APOD: variants seen among roughly 807,000 people sequenced by gnomAD.
APOD encodes apolipoprotein D.
In APOD, 22 loss-of-function variants were observed where a neutral mutation model predicts 20.4. The ratio of observed to expected loss-of-function variants is 1.08; its 90% CI spans 0.77 to 1.54. The LOEUF (loss-of-function observed/expected upper bound fraction) is 1.54, where lower values mean the gene tolerates loss of function less well. APOD is among the 40% of genes most tolerant of loss of function. APOD has a pLI of 0.00. For missense variants in APOD, 223 were observed against 229.6 expected, an observed-to-expected ratio of 0.97 and a Z score of 0.19; for synonymous variants, 97 against 92.4, an observed-to-expected ratio of 1.05 and a Z score of -0.29.
At chr3:195,577,588 C>T (rs1247499078) in intron 2 of APOD, among the ~76,000 whole-genome samples, 1 of 152,184 alleles carries the variant, frequency 6.6e-6, no homozygotes, top group Non-Finnish European at 1.5e-5. Context: ...TTGATTACTA[C>T]AAAGCTATAG....
intron 2 of APOD, 40 bp from the exon 3 acceptor site, chr3:195,574,011 T>C (rs759052176): frequency 3.1e-6 from 5 of 1,606,748 alleles, no homozygotes; most frequent in Middle Eastern, 1.7e-4. Flanking sequence ...TGTGGTTCTC[T>C]GGGGACCTGC....
At chr3:195,573,078 C>T (rs779697892) in intron 3 of APOD, among the ~76,000 whole-genome samples, 6 of 152,172 alleles carry the variant, frequency 3.9e-5, no homozygotes, top group Non-Finnish European at 7.3e-5. Context: ...TATCTGCATA[C>T]GTTAACTTAG....
At position 195,568,989 on chromosome 3, in the gene APOD, C is replaced by A. The variant is rs141964097; in HGVS notation, c.481G>T (p.Asp161Tyr). The change falls in exon 5 of 5, where the codon GAC becomes TAC. Residue 161 changes from aspartate (D) to tyrosine (Y), a missense_variant. Asp to Tyr is a radical substitution (Grantham distance 160, BLOSUM62 -3). Coordinates refer to ENST00000343267, the MANE Select transcript of APOD (RefSeq NM_001647.4). ...RNPNLPPETV[D>Y]SLKNILTSNN... The stretch of plus-strand genomic sequence containing the variant: ...GAAGTCAGGATATTTTTTAGAGAGT[C>A]CACTGTTTCTGGAGGGAGATTAGGG... 8.1e-6 allele frequency: 13 copies of A among 1,614,088 alleles called. No homozygotes were observed. The highest frequency in any genetic ancestry group is 1.3e-5 in the African/African-American group (1 of 75,008).
chr3:195,580,712 G>C (rs1720324193), intron 1 of APOD, among the ~76,000 whole-genome samples: 1 of 152,118 alleles, frequency 6.6e-6, no homozygotes, highest in Admixed American at 6.6e-5. Context: ...GCCTGTTGAG[G>C]GTATTTTTCA....
rs764508080 is a variant in APOD at position 195,571,271 on chromosome 3, A to C, written c.334+6T>G. 1.4e-5 allele frequency: 23 copies of C among 1,613,356 alleles called. No individual in the cohort carries two copies. The highest frequency in any genetic ancestry group is 1.8e-5 in the Non-Finnish European group (21 of 1,179,372). On this transcript the variant is annotated splice_donor_region_variant and intron_variant, in intron 4 of 4. Coordinates refer to ENST00000343267, the MANE Select transcript of APOD (RefSeq NM_001647.4). ...CTGAATCCTCCTGGGAAAAGTGGAT[A>C]CTTACACCAGGAAAACTTAACTTCC...
Position 195,579,412 on chromosome 3 carries a change from G to A in APOD, c.50C>T (p.Ala17Val), listed in dbSNP as rs764190179. Residue 17 changes from alanine to valine, a missense_variant, in exon 2 of 5, where the codon GCG becomes GTG. Physicochemically the swap from Ala to Val is moderately conservative, Grantham distance 64. Transcript: ENST00000343267. ...AAGATGAAATGCTTGTCCCTCTGCCGCACCGAAGAGGCCAGCCAGTGCGGA... is the reference window on the plus strand; with the variant it reads ...AAGATGAAATGCTTGTCCCTCTGCCACACCGAAGAGGCCAGCCAGTGCGGA... ...LLSALAGLFG[A>V]AEGQAFHLGK... 1 of 1,614,022 alleles carries A rather than the reference G, an allele frequency of 6.2e-7. No homozygotes were observed. Among genetic ancestry groups the A allele is most frequent in the South Asian group, 1.1e-5 (1 of 91,088 alleles).
chr3:195,571,248 G>A (rs746851887), intron 4 of APOD, 29 bp downstream of exon 4: 3 of 1,602,438 alleles, frequency 1.9e-6, no homozygotes, highest in East Asian at 2.2e-5. Flanking sequence ...TCCTGTCCCT[G>A]AATCCTCCTG....
intron 2 of APOD, among the ~76,000 whole-genome samples, chr3:195,578,713 T>C (rs972418478): frequency 6.6e-5 from 10 of 152,154 alleles, no homozygotes; most frequent in Admixed American, 3.3e-4. Flanking sequence ...GACCTTTGGG[T>C]GCCCTGCACT....
intron 1 of APOD, among the ~76,000 whole-genome samples, chr3:195,579,719 T>C (rs2108970976): frequency 6.6e-6 from 1 of 152,318 alleles, no homozygotes; most frequent in Admixed American, 6.5e-5. Flanking sequence ...CTCTGCCTGG[T>C]ATTCTGGTTT....
At chr3:195,583,062 C>T (rs1212421590) in intron 1 of APOD, 1 of 152,270 alleles carries the variant, frequency 6.6e-6, no homozygotes, top group Non-Finnish European at 1.5e-5. Context: ...TTGCATTAAG[C>T]TTACCCGTGG....
chr3:195,577,197 A>G (rs921350290), intron 2 of APOD: 34 of 338,114 alleles, frequency 1.0e-4, no homozygotes, highest in Admixed American at 1.8e-4. Context: ...AAAAAAAAAA[A>G]GAAAAGAAAA....
chr3:195,574,943 C>T (rs565259598), intron 2 of APOD, among the ~76,000 whole-genome samples: 10 of 152,302 alleles, frequency 6.6e-5, no homozygotes, highest in South Asian at 2.1e-4. Context: ...ATGTTTATTA[C>T]GTTGGTTTTC....
chr3:195,576,613 C>G (rs9886960), intron 2 of APOD, among the ~76,000 whole-genome samples: 21,153 of 151,998 alleles, frequency 0.14, 1,847 homozygotes, highest in East Asian at 0.41. Context: ...AGTTCAAGAC[C>G]AGCATAGCCA....
At chr3:195,572,127 A>G (rs1427703117) in intron 3 of APOD, among the ~76,000 whole-genome samples, 3 of 152,228 alleles carry the variant, frequency 2.0e-5, no homozygotes, top group African/African-American at 7.2e-5. Flanking sequence ...ACAGATGAGG[A>G]TGGACTTGAT....
intron 3 of APOD, among the ~76,000 whole-genome samples, chr3:195,572,818 C>T (rs966984589): frequency 2.6e-5 from 4 of 151,916 alleles, no homozygotes; most frequent in African/African-American, 9.7e-5. Flanking sequence ...CAAGACCAGC[C>T]TGGCCAACAC....
At chr3:195,583,823 TTTCTATTTTAGACATTA>T (rs1425416892) in intron 1 of APOD, 38 bp downstream of exon 1, 49 of 152,270 alleles carry the variant, frequency 3.2e-4, no homozygotes, top group African/African-American at 1.1e-3. Flanking sequence ...GTCTAGACTG[TTTCTATTTTAGACATTA>T]TTATCATAAA....
At chr3:195,570,925 G>A (rs967048793) in intron 4 of APOD, 4 of 261,212 alleles carry the variant, frequency 1.5e-5, no homozygotes, top group East Asian at 7.3e-5. Context: ...CTAATGTTTC[G>A]GGCCCCAGTT....
At position 195,579,435 on chromosome 3, in the gene APOD, G is replaced by A. The variant is rs923850853; in HGVS notation, c.27C>T (p.Ser9=). The part of the protein sequence containing the change: MVMLLLLL[S]ALAGLFGAAE... ...CCGCACCGAAGAGGCCAGCCAGTGCGGAAAGCAGCAGCAGCAGCATCACCA... is the reference window on the plus strand; with the variant it reads ...CCGCACCGAAGAGGCCAGCCAGTGCAGAAAGCAGCAGCAGCAGCATCACCA... The change falls in exon 2 of 5, where the codon TCC becomes TCT. Residue 9 remains serine, a synonymous_variant. Coordinates refer to ENST00000343267, the MANE Select transcript of APOD (RefSeq NM_001647.4). 2.5e-6 allele frequency: 4 copies of A among 1,613,918 alleles called. No individual in the cohort carries two copies. Among genetic ancestry groups the A allele is most frequent in the South Asian group, 2.2e-5 (2 of 91,088 alleles).
intron 1 of APOD, 95 bp from the exon 2 acceptor site, chr3:195,579,590 G>A (rs1485083735): frequency 7.4e-7 from 1 of 1,358,112 alleles, no homozygotes. Flanking sequence ...TCCCCTCTGT[G>A]GGCGGTCCCT....
Sources: gnomAD v4.1 joint callset for allele counts (sites outside exome capture counted in the v4.1 genomes callset) on GRCh38, gnomAD v4.1.1 for gene constraint, MANE v1.5 for transcripts, NCBI Gene and HGNC (gene_info 2026-07-23, HGNC 2026-07-21) for gene names.